Variants in SOX5 observed in about 807,000 individuals in gnomAD.
SOX5 encodes SRY-box transcription factor 5, also known as transcription factor SOX-5.
SOX5 carries 9 observed loss-of-function variants against 92.0 expected under a neutral mutation model. The ratio of observed to expected loss-of-function variants is 0.10; its 90% CI spans 0.06 to 0.17. The LOEUF is 0.17. Among genes scored for constraint, SOX5 ranks in the 10% least tolerant of loss-of-function variants. SOX5 has a pLI of 1.00. For synonymous variants in SOX5, 344 were observed against 336.3 expected (o/e 1.02, Z -0.25); for missense variants, 642 against 944.5 (o/e 0.68, Z 4.20).
rs987720037 is a variant in SOX5 at position 23,932,372 on chromosome 12, C to T, written c.38+17192G>A. 2.0e-5 allele frequency among the ~76,000 whole-genome samples: 3 copies of T among 151,584 alleles called. No homozygotes were observed. The South Asian group carries it at 6.2e-4, about 31-fold the overall frequency. On this transcript the variant is annotated intron_variant, in intron 1 of 14. Coordinates refer to ENST00000451604, the MANE Select transcript of SOX5 (RefSeq NM_006940.6). ...ATGCAATATCTGATGCTTGACTGGA[C>T]CCTTGATTTTAACTTTTTGAAAAAG...
At chr12:23,816,122 G>T (rs936665059) in intron 3 of SOX5, among the ~76,000 whole-genome samples, 1 of 151,896 alleles carries the variant, frequency 6.6e-6, no homozygotes, top group Non-Finnish European at 1.5e-5. Context: ...CTACGCTGAG[G>T]TAGATTTGGC....
chr12:23,701,687 G>A (rs1327663564), intron 6 of SOX5, among the ~76,000 whole-genome samples: 1 of 151,958 alleles, frequency 6.6e-6, no homozygotes, highest in Non-Finnish European at 1.5e-5. Context: ...TGATTTTTCA[G>A]TGGTAACATT....
At chr12:24,075,002 C>T (rs572169211) in intron 4 of SOX5, among the ~76,000 whole-genome samples, 3 of 151,810 alleles carry the variant, frequency 2.0e-5, no homozygotes, top group Admixed American at 6.6e-5. Flanking sequence ...TGGCTCACCC[C>T]TATAATCCCA....
At chr12:23,938,282 C>T (rs2139442630) in intron 1 of SOX5, among the ~76,000 whole-genome samples, 1 of 151,024 alleles carries the variant, frequency 6.6e-6, no homozygotes, top group African/African-American at 2.4e-5. Flanking sequence ...TAGAGCTCCA[C>T]ATAAAAAGAA....
At chr12:24,104,581 A>G (rs927871440) in intron 4 of SOX5, among the ~76,000 whole-genome samples, 2 of 152,228 alleles carry the variant, frequency 1.3e-5, no homozygotes, top group Non-Finnish European at 2.9e-5. Context: ...TTATTTTTAT[A>G]CAGTTTCACT....
chr12:23,953,620 A>C (rs1471529023), upstream of SOX5, among the ~76,000 whole-genome samples: 2 of 152,060 alleles, frequency 1.3e-5, no homozygotes, highest in Non-Finnish European at 2.9e-5. Context: ...CCAAATTTCA[A>C]ATCAATTTTT....
At chr12:23,950,930 G>C (rs1945521666), upstream of SOX5, 39 of 1,494,530 alleles carry the variant, frequency 2.6e-5, 1 homozygote, top group South Asian at 4.4e-4. Context: ...CAGGGAGTAA[G>C]CACACACTTA....
intron 3 of SOX5, among the ~76,000 whole-genome samples, chr12:23,790,088 A>C (rs1312017304): frequency 6.6e-6 from 1 of 152,324 alleles, no homozygotes; most frequent in Non-Finnish European, 1.5e-5. Context: ...ATATGTTCAT[A>C]TAGAATGTAC....
intron 4 of SOX5, among the ~76,000 whole-genome samples, chr12:23,749,541 C>T (rs975793117): frequency 4.6e-5 from 7 of 151,862 alleles, no homozygotes; most frequent in Admixed American, 3.9e-4. Context: ...CTATAGTCTT[C>T]ACCACTGTTG....
intron 2 of SOX5, among the ~76,000 whole-genome samples, chr12:23,848,968 C>G (rs1397175352): frequency 1.3e-5 from 2 of 152,176 alleles, no homozygotes; most frequent in African/African-American, 2.4e-5. Context: ...GAAAAAGGAT[C>G]TGCCTAACAT....
chr12:23,664,349 A>G (rs1451470761), intron 7 of SOX5, among the ~76,000 whole-genome samples: 1 of 151,006 alleles, frequency 6.6e-6, no homozygotes, highest in African/African-American at 2.4e-5. Context: ...GCCAAAATGC[A>G]CTGGAATTTA....
intron 10 of SOX5, among the ~76,000 whole-genome samples, chr12:23,567,464 A>ATTTTTTTT (rs35620007): frequency 6.7e-5 from 8 of 119,136 alleles, no homozygotes; most frequent in South Asian, 2.8e-4. Flanking sequence ...ATTTGATTTG[A>ATTTTTTTT]TTTTTTTTTT....
chr12:23,844,769 A>G (rs947091364), intron 3 of SOX5, among the ~76,000 whole-genome samples: 1 of 152,160 alleles, frequency 6.6e-6, no homozygotes, highest in African/African-American at 2.4e-5. Context: ...TTATGTTTTT[A>G]AAATAATTAT....
At chr12:23,587,526 A>G (rs912370237) in intron 9 of SOX5, among the ~76,000 whole-genome samples, 18 of 152,100 alleles carry the variant, frequency 1.2e-4, no homozygotes, top group Non-Finnish European at 7.4e-5. Flanking sequence ...TTTAATTCTG[A>G]AGAATTTTTT....
chr12:24,516,145 C>T (rs942737298), intron 1 of SOX5, among the ~76,000 whole-genome samples: 3 of 151,438 alleles, frequency 2.0e-5, no homozygotes, highest in Non-Finnish European at 2.9e-5. Context: ...CGGGCTAAAG[C>T]GATCCTCCCA....
intron 3 of SOX5, among the ~76,000 whole-genome samples, chr12:23,834,358 G>C (rs149894012): frequency 6.4e-4 from 98 of 152,012 alleles, no homozygotes; most frequent in African/African-American, 2.3e-3. Context: ...TGATTTTTTA[G>C]TCAATGCTAA....
intron 2 of SOX5, among the ~76,000 whole-genome samples, chr12:24,332,594 AAGT>A (rs1185861528): frequency 6.6e-6 from 1 of 152,158 alleles, no homozygotes; most frequent in Non-Finnish European, 1.5e-5. Context: ...AAAAAATAAA[AAGT>A]AGGCTTATTT....
chr12:23,811,891 A>G (rs1455498045), intron 3 of SOX5, among the ~76,000 whole-genome samples: 1 of 152,118 alleles, frequency 6.6e-6, no homozygotes, highest in African/African-American at 2.4e-5. Flanking sequence ...CTCACTTTTT[A>G]AAAAAGACTT....
chr12:23,751,105 T>C (rs563010280), intron 4 of SOX5, among the ~76,000 whole-genome samples: 3 of 151,960 alleles, frequency 2.0e-5, no homozygotes, highest in Non-Finnish European at 4.4e-5. Flanking sequence ...CAAGCTTAGT[T>C]AGATTAAAAA....
Sources: gnomAD v4.1 joint callset for allele counts (sites outside exome capture counted in the v4.1 genomes callset) on GRCh38, gnomAD v4.1.1 for gene constraint, MANE v1.5 for transcripts, NCBI Gene and HGNC (gene_info 2026-07-23, HGNC 2026-07-21) for gene names.